Variants in GALNT18 observed in about 807,000 individuals in gnomAD.
GALNT18 encodes polypeptide N-acetylgalactosaminyltransferase 18.
In GALNT18, 44 loss-of-function variants were observed where a neutral mutation model predicts 69.5. The ratio of observed to expected loss-of-function variants is 0.63; its 90% CI spans 0.50 to 0.81. The LOEUF (loss-of-function observed/expected upper bound fraction) is 0.81, where lower values mean the gene tolerates loss of function less well. GALNT18 is among the 40% of genes least tolerant of loss of function. GALNT18 has a pLI of 0.00. For missense variants in GALNT18, 715 were observed against 810.0 expected, an observed-to-expected ratio of 0.88 and a Z score of 1.42; for synonymous variants, 364 against 318.2, an observed-to-expected ratio of 1.14 and a Z score of -1.53.
At position 11,523,674 on chromosome 11, in the gene GALNT18, G is replaced by A. The variant is rs368987641; in HGVS notation, c.236-74738C>T. On this transcript the variant is annotated intron_variant, in intron 1 of 10. Transcript: ENST00000227756. The surrounding 1 kb of genome is among the most constrained non-coding windows in gnomAD (Gnocchi z 4.3). Reference sequence around the variant, plus strand: ...GAAGAGGTTGCAGTGAGCCGAGATCGCACCACTGCACTCCAGCCTGGGCAA... The same window carrying A: ...GAAGAGGTTGCAGTGAGCCGAGATCACACCACTGCACTCCAGCCTGGGCAA... Among the ~76,000 whole-genome samples, 9 of 150,220 alleles carry A rather than the reference G, an allele frequency of 6.0e-5. No homozygotes were observed. The highest frequency in any genetic ancestry group is 2.1e-4 in the South Asian group (1 of 4,706).
chr11:11,442,230 T>C (rs778501739), intron 2 of GALNT18, among the ~76,000 whole-genome samples: 5 of 152,178 alleles, frequency 3.3e-5, no homozygotes, highest in African/African-American at 4.8e-5. Context: ...CACATTGTCA[T>C]CTCTCAGGTT....
Position 11,480,671 on chromosome 11 carries a change from T to C in GALNT18, c.236-31735A>G, listed in dbSNP as rs369197547. Among the ~76,000 whole-genome samples, 1 of 152,208 alleles carries C rather than the reference T, an allele frequency of 6.6e-6. No individual in the cohort carries two copies. The highest frequency in any genetic ancestry group is 1.5e-5 in the Non-Finnish European group (1 of 68,040). On this transcript the variant is annotated intron_variant, in intron 1 of 10. Transcript: ENST00000227756. This position sits in a 1 kb window ranked among gnomAD's most constrained non-coding sequence, Gnocchi z 4.6. ...GATCACTGAGAGCAGAGAAGTGACA[T>C]TGAGAGGCTGGCTTCAGCCTCCAGA...
In GALNT18 at chr11:11,372,663, G is replaced by A; in HGVS notation, c.978-34C>T. The A allele has an allele frequency of 6.4e-7, 1 of 1,551,110 alleles. No individual in the cohort carries two copies. The highest frequency in any genetic ancestry group is 1.1e-5 in the South Asian group (1 of 89,630). On this transcript the variant is annotated intron_variant, in intron 5 of 10. Coordinates refer to ENST00000227756, the MANE Select transcript of GALNT18 (RefSeq NM_198516.3). This position sits in a 1 kb window ranked among gnomAD's most constrained non-coding sequence, Gnocchi z 4.9. ...GCAGGGGAGAGCAGAAGGGCTGTCT[G>A]GTGCAGCTGTCCGAGGAGTAAGAGC...
intron 10 of GALNT18, among the ~76,000 whole-genome samples, chr11:11,278,242 G>C (rs1017445592): frequency 1.3e-5 from 2 of 151,514 alleles, no homozygotes; most frequent in African/African-American, 4.8e-5. Context: ...TTTAATGTTA[G>C]ACAGATCAAT....
intron 1 of GALNT18, chr11:11,476,032 A>G (rs762854172): frequency 6.6e-6 from 1 of 152,226 alleles, no homozygotes; most frequent in Non-Finnish European, 1.5e-5. Flanking sequence ...GACGATAGAA[A>G]TATGGACATG....
rs923237375 is a variant in GALNT18, at chr11:11,562,983, T to C, written c.235+58376A>G. ...TCCCAGGAACTACATGCTTCCAACA[T>C]GTGCTCTTTCTCTCCGTGCCTTCTA... On this transcript the variant is annotated intron_variant, in intron 1 of 10. Transcript: ENST00000227756. This position sits in a 1 kb window ranked among gnomAD's most constrained non-coding sequence, Gnocchi z 4.1. Among the ~76,000 whole-genome samples the C allele has an allele frequency of 6.6e-6, 1 of 152,070 alleles. No individual in the cohort carries two copies. The highest frequency in any genetic ancestry group is 2.1e-4 in the South Asian group (1 of 4,816).
chr11:11,378,349 GC>G (rs1476716259), intron 4 of GALNT18, among the ~76,000 whole-genome samples: 3 of 152,174 alleles, frequency 2.0e-5, no homozygotes, highest in Non-Finnish European at 4.4e-5. Context: ...CCACCTACTT[GC>G]CCCAGCTACT....
intron 5 of GALNT18, among the ~76,000 whole-genome samples, chr11:11,373,885 A>G (rs1227753160): frequency 6.6e-6 from 1 of 152,056 alleles, no homozygotes; most frequent in East Asian, 1.9e-4. Flanking sequence ...GCAGTGGGGG[A>G]ATAAAAGGAG....
intron 6 of GALNT18, chr11:11,352,742 C>G (rs1239919456): frequency 1.2e-6 from 2 of 1,614,032 alleles, no homozygotes; most frequent in African/African-American, 1.3e-5. Flanking sequence ...CTGTTAACGT[C>G]TGGTACAATT....
chr11:11,592,980 A>G lies in GALNT18; in HGVS notation c.235+28379T>C, dbSNP rs1398567582. 6.6e-6 allele frequency among the ~76,000 whole-genome samples: 1 copy of G among 152,004 alleles called. No individual in the cohort carries two copies. On this transcript the variant is annotated intron_variant, in intron 1 of 10. Transcript: ENST00000227756. The surrounding 1 kb of genome is among the most constrained non-coding windows in gnomAD (Gnocchi z 5.9). Reference sequence around the variant, plus strand: ...TCCCAGGCTGGAGTGCAGTGGCGCAATCTCAGCTCACTGCAAGCTGCGCCT... The same window carrying G: ...TCCCAGGCTGGAGTGCAGTGGCGCAGTCTCAGCTCACTGCAAGCTGCGCCT...
intron 9 of GALNT18, among the ~76,000 whole-genome samples, chr11:11,293,474 T>A (rs542968162): frequency 6.6e-6 from 1 of 151,992 alleles, no homozygotes; most frequent in African/African-American, 2.4e-5. Flanking sequence ...TAATCTTTCA[T>A]TGGAAAACAT....
At chr11:11,277,217 A>G (rs12787806) in intron 10 of GALNT18, among the ~76,000 whole-genome samples, 31,970 of 152,020 alleles carry the variant, frequency 0.21, 3,733 homozygotes, top group Non-Finnish European at 0.26. Flanking sequence ...CAGAGATTCA[A>G]CTTCTTCCTG....
intron 1 of GALNT18, among the ~76,000 whole-genome samples, chr11:11,568,185 C>CG (rs1340910516): frequency 6.6e-6 from 1 of 152,234 alleles, no homozygotes; most frequent in African/African-American, 2.4e-5. Context: ...CCACAGCCAA[C>CG]GCACAGCCCA....
At position 11,382,599 on chromosome 11, in the gene GALNT18, T is replaced by A. The variant is rs1033945068; in HGVS notation, c.596-3335A>T. Among the ~76,000 whole-genome samples, 16 of 152,326 alleles carry A rather than the reference T, an allele frequency of 1.1e-4. No individual in the cohort carries two copies. Among genetic ancestry groups the A allele is most frequent in the Admixed American group, 7.2e-4 (11 of 15,300 alleles). ...AGTACCCAGCCCATCATATTTGCCT[T>A]CTTGCTAAGGCTGCCAGGAAGCTCA... On this transcript the variant is annotated intron_variant, in intron 3 of 10. Coordinates refer to ENST00000227756, the MANE Select transcript of GALNT18 (RefSeq NM_198516.3). This position sits in a 1 kb window ranked among gnomAD's most constrained non-coding sequence, Gnocchi z 4.3.
chr11:11,530,323 C>A (rs949907218), intron 1 of GALNT18, among the ~76,000 whole-genome samples: 1 of 152,184 alleles, frequency 6.6e-6, no homozygotes, highest in African/African-American at 2.4e-5. Flanking sequence ...GGAAGGCAGT[C>A]CTCTTCCCTG....
In GALNT18 at chr11:11,382,040, T is replaced by A. The variant is rs371210828; in HGVS notation, c.596-2776A>T. ...AGCTTTGAGGGGTGGCAGCAAGAGA[T>A]GGAAAGCTTTGCTTCCTATAGGAGC... On this transcript the variant is annotated intron_variant, in intron 3 of 10. Transcript: ENST00000227756. The surrounding 1 kb of genome is among the most constrained non-coding windows in gnomAD (Gnocchi z 4.3). Among the ~76,000 whole-genome samples, 1 of 152,226 alleles carries A rather than the reference T, an allele frequency of 6.6e-6. No individual in the cohort carries two copies. Among genetic ancestry groups the A allele is most frequent in the Admixed American group, 6.5e-5 (1 of 15,292 alleles).
rs1856894457 is a variant in GALNT18 at position 11,497,664 on chromosome 11, G to A, written c.236-48728C>T. 6.6e-6 allele frequency among the ~76,000 whole-genome samples: 1 copy of A among 151,902 alleles called. No homozygotes were observed. Among genetic ancestry groups the A allele is most frequent in the South Asian group, 2.1e-4 (1 of 4,810 alleles). On this transcript the variant is annotated intron_variant, in intron 1 of 10. Coordinates refer to ENST00000227756, the MANE Select transcript of GALNT18 (RefSeq NM_198516.3). The surrounding 1 kb of genome is among the most constrained non-coding windows in gnomAD (Gnocchi z 4.2). ...ACAACTCTCTTATCTAACATGGTCA[G>A]GAGCAGCTAATAGGGTAAGCAAAAA...
At chr11:11,566,162 G>A (rs913387460) in intron 1 of GALNT18, among the ~76,000 whole-genome samples, 1 of 152,174 alleles carries the variant, frequency 6.6e-6, no homozygotes, top group South Asian at 2.1e-4. Flanking sequence ...TTACACAAAC[G>A]TTAATGCACA....
At position 11,385,324 on chromosome 11, in the gene GALNT18, C is replaced by T. The variant is rs186427900; in HGVS notation, c.596-6060G>A. ...TTTTTTTTTTTTTTTGAGACAGAGT[C>T]TCGCTCTGTTGCCCAGGATGGAGTG... On this transcript the variant is annotated intron_variant, in intron 3 of 10. Coordinates refer to ENST00000227756, the MANE Select transcript of GALNT18 (RefSeq NM_198516.3). Among the ~76,000 whole-genome samples, 294 of 148,986 alleles carry T rather than the reference C, an allele frequency of 2.0e-3. 5 individuals are homozygous for T. The highest frequency in any genetic ancestry group is 0.018 in the Admixed American group (275 of 14,972).
Sources: allele counts gnomAD v4.1 joint callset (sites outside exome capture counted in the v4.1 genomes callset), GRCh38; gene constraint gnomAD v4.1.1; non-coding constraint Gnocchi (gnomAD v3.1); transcripts MANE v1.5; gene names NCBI Gene and HGNC (gene_info 2026-07-23, HGNC 2026-07-21).